Variants in SPATA1 observed in about 807,000 individuals in gnomAD.
SPATA1 encodes the protein spermatogenesis associated 1.
SPATA1 carries 57 observed loss-of-function variants against 59.6 expected under a neutral mutation model. The ratio of observed to expected loss-of-function variants is 0.96; its 90% CI spans 0.77 to 1.19. The LOEUF is 1.19. SPATA1 is among the 50% of genes most tolerant of loss of function. The pLI, the probability that SPATA1 is intolerant of heterozygous loss-of-function variation, is 0.00. For synonymous variants in SPATA1, 147 were observed against 163.9 expected (o/e 0.90, Z 0.79); for missense variants, 448 against 480.7 (o/e 0.93, Z 0.64).
At chr1:84,521,208 G>T (rs550464995) in intron 3 of SPATA1, among the ~76,000 whole-genome samples, 78 of 145,466 alleles carry the variant, frequency 5.4e-4, no homozygotes, top group African/African-American at 1.9e-3. Context: ...AGGGAGGGAG[G>T]GAAAACTGCT....
chr1:84,516,654 T>C (rs1281310506), intron 2 of SPATA1, among the ~76,000 whole-genome samples: 1 of 152,156 alleles, frequency 6.6e-6, no homozygotes, highest in East Asian at 1.9e-4. Flanking sequence ...TTGAGGTTGG[T>C]ACCCTCCATA....
chr1:84,529,576 CTTTTT>C (rs761561650), intron 6 of SPATA1, among the ~76,000 whole-genome samples: 1 of 91,348 alleles, frequency 1.1e-5, no homozygotes, highest in Non-Finnish European at 2.0e-5. Context: ...GGTAATATGC[CTTTTT>C]TTTTTTTTTT....
exon 5 of SPATA1, chr1:84,566,009 T>C (rs746073945): frequency 6.6e-7 from 1 of 1,521,910 alleles, no homozygotes; most frequent in Non-Finnish European, 8.8e-7. Context: ...ACATCAAAGG[T>C]TACCTGTGGA....
intron 12 of SPATA1, chr1:84,552,819 C>T: frequency 2.3e-6 from 1 of 440,896 alleles, no homozygotes; most frequent in Non-Finnish European, 4.0e-6. Context: ...AACAAGGTTA[C>T]CTTATAGCAT....
At chr1:84,507,098 A>C (rs1682292595) in intron 1 of SPATA1, 2 of 152,172 alleles carry the variant, frequency 1.3e-5, no homozygotes, top group Non-Finnish European at 2.9e-5. Context: ...CTAACCAAAC[A>C]AAATAGGCTC....
exon 4 of SPATA1, chr1:84,522,474 A>G: frequency 6.5e-7 from 1 of 1,544,614 alleles, no homozygotes; most frequent in Non-Finnish European, 8.8e-7. Context: ...AAAAATTTTT[A>G]TTTCTGAAAT....
At chr1:84,547,425 C>T (rs1276543757) in intron 10 of SPATA1, among the ~76,000 whole-genome samples, 1 of 152,134 alleles carries the variant, frequency 6.6e-6, no homozygotes, top group African/African-American at 2.4e-5. Flanking sequence ...GCTGGGGATA[C>T]AGCAGTGAAC....
chr1:84,563,842 C>T, intron 4 of SPATA1: 1 of 1,595,422 alleles, frequency 6.3e-7, no homozygotes, highest in South Asian at 1.1e-5. Context: ...CCTAGTCAAG[C>T]AGGAGAGAAA....
At chr1:84,565,923 A>G in exon 5 of SPATA1, 1 of 1,602,570 alleles carries the variant, frequency 6.2e-7, no homozygotes, top group Non-Finnish European at 8.5e-7. Flanking sequence ...AAGACATCAC[A>G]AAGAGGAAGT....
chr1:84,509,914 A>G (rs1399141863), intron 1 of SPATA1, among the ~76,000 whole-genome samples: 2 of 152,182 alleles, frequency 1.3e-5, no homozygotes, highest in Non-Finnish European at 2.9e-5. Context: ...AGGGCCAGGC[A>G]CGGTGGCTTA....
intron 1 of SPATA1, among the ~76,000 whole-genome samples, chr1:84,508,740 A>G (rs763413467): frequency 3.9e-5 from 6 of 152,254 alleles, no homozygotes; most frequent in Non-Finnish European, 7.3e-5. Context: ...GGATTTCACA[A>G]TTCTGACTTC....
chr1:84,552,960 G>A (rs752979880), intron 12 of SPATA1: 1 of 1,005,866 alleles, frequency 9.9e-7, no homozygotes, highest in Middle Eastern at 2.1e-4. Flanking sequence ...CAAAAACCCT[G>A]TTTACATGAC....
At chr1:84,563,537 A>T in intron 4 of SPATA1, 1 of 753,952 alleles carries the variant, frequency 1.3e-6, no homozygotes, top group East Asian at 3.2e-5. Context: ...CTGACTATAC[A>T]GAAAAAAGGT....
At chr1:84,527,986 C>T (rs1343614247) in intron 6 of SPATA1, among the ~76,000 whole-genome samples, 1 of 152,178 alleles carries the variant, frequency 6.6e-6, no homozygotes. Context: ...CCACCTTGGC[C>T]TCTCAAAGTG....
intron 11 of SPATA1, chr1:84,549,608 G>A (rs1448155834): frequency 6.6e-6 from 1 of 151,296 alleles, no homozygotes; most frequent in African/African-American, 2.5e-5. Context: ...AGACAGCCTT[G>A]AATCAGAGAC....
intron 8 of SPATA1, among the ~76,000 whole-genome samples, chr1:84,543,873 A>G (rs1412787781): frequency 1.3e-5 from 2 of 152,234 alleles, no homozygotes; most frequent in Non-Finnish European, 2.9e-5. Flanking sequence ...AAGATGAAAA[A>G]AATATTAATA....
chr1:84,527,951 G>A (rs12140532), intron 6 of SPATA1, among the ~76,000 whole-genome samples: 29,170 of 152,140 alleles, frequency 0.19, 2,981 homozygotes, highest in South Asian at 0.3. Context: ...GGGTGGTCTC[G>A]AACTCCTGAC....
chr1:84,543,612 C>T (rs904334797), intron 8 of SPATA1, among the ~76,000 whole-genome samples: 2 of 152,030 alleles, frequency 1.3e-5, no homozygotes, highest in Non-Finnish European at 2.9e-5. Flanking sequence ...AATCTGCCCC[C>T]ATGATACAAT....
intron 6 of SPATA1, among the ~76,000 whole-genome samples, chr1:84,529,034 C>A (rs543622280): frequency 2.0e-5 from 3 of 152,132 alleles, no homozygotes; most frequent in East Asian, 3.9e-4. Flanking sequence ...TATTCTTATA[C>A]ATACATGACC....
Sources: gnomAD v4.1 joint callset for allele counts (sites outside exome capture counted in the v4.1 genomes callset) on GRCh38, gnomAD v4.1.1 for gene constraint, MANE v1.5 for transcripts, NCBI Gene and HGNC (gene_info 2026-07-23, HGNC 2026-07-21) for gene names.